The following XRCC4 variants were observed in gnomAD, a reference collection of about 807,000 sequenced individuals.
XRCC4 encodes the protein X-ray repair cross complementing 4, also known as DNA repair protein XRCC4.
A neutral mutation model predicts 39.1 loss-of-function variants in XRCC4; 28 were observed. The ratio of observed to expected loss-of-function variants is 0.72; its 90% CI spans 0.53 to 0.98. XRCC4 has a LOEUF of 0.98. Among genes scored for constraint, XRCC4 ranks in the 50% least tolerant of loss-of-function variants. The pLI is 0.00. For missense variants in XRCC4, 350 were observed against 376.4 expected, an observed-to-expected ratio of 0.93 and a Z score of 0.58; for synonymous variants, 123 against 126.4, an observed-to-expected ratio of 0.97 and a Z score of 0.18.
the XRCC4 span, among the ~76,000 whole-genome samples, chr5:83,362,404 A>G: frequency 1.3e-5 from 2 of 150,986 alleles, no homozygotes; most frequent in Admixed American, 6.6e-5. Context: ...GAATTCTTCT[A>G]TAGTGACCAC....
intron 7 of XRCC4, chr5:83,310,643 C>T (rs1755675142): frequency 5.5e-6 from 2 of 363,364 alleles, no homozygotes; most frequent in Non-Finnish European, 1.1e-5. Flanking sequence ...CAAAGATAAT[C>T]AGGAGTGACT....
intron 3 of XRCC4, among the ~76,000 whole-genome samples, chr5:83,146,247 C>A (rs1418758286): frequency 6.6e-6 from 1 of 152,100 alleles, no homozygotes; most frequent in Non-Finnish European, 1.5e-5. Context: ...GGCTGAACTT[C>A]AGGAAAAAGT....
intron 6 of XRCC4, among the ~76,000 whole-genome samples, chr5:83,246,509 A>G (rs1753106844): frequency 6.6e-6 from 1 of 152,146 alleles, no homozygotes; most frequent in Non-Finnish European, 1.5e-5. Flanking sequence ...TGTCTTTTAT[A>G]TTCTACTTAT....
chr5:83,205,158 A>G (rs1188118158), intron 6 of XRCC4, among the ~76,000 whole-genome samples: 1 of 152,208 alleles, frequency 6.6e-6, no homozygotes, highest in Non-Finnish European at 1.5e-5. Context: ...ACTCCAAGGT[A>G]TACTATTCCT....
intron 1 of XRCC4, among the ~76,000 whole-genome samples, chr5:83,098,434 A>G (rs1561323768): frequency 6.6e-6 from 1 of 152,152 alleles, no homozygotes; most frequent in Non-Finnish European, 1.5e-5. Context: ...GGAAAATTCC[A>G]GGAATACCTG....
At chr5:83,121,419 T>C (rs891438643) in intron 3 of XRCC4, among the ~76,000 whole-genome samples, 2 of 152,212 alleles carry the variant, frequency 1.3e-5, no homozygotes, top group Non-Finnish European at 2.9e-5. Flanking sequence ...TTCCAGTTTC[T>C]CCACATCCTT....
At chr5:83,126,780 T>C (rs537241079) in intron 3 of XRCC4, among the ~76,000 whole-genome samples, 4 of 152,286 alleles carry the variant, frequency 2.6e-5, no homozygotes, top group African/African-American at 9.6e-5. Flanking sequence ...AGCAAAGCCA[T>C]GGGGGCAGGA....
chr5:83,223,934 A>G (rs939563720), intron 6 of XRCC4, among the ~76,000 whole-genome samples: 1 of 146,598 alleles, frequency 6.8e-6, no homozygotes, highest in African/African-American at 2.5e-5. Context: ...CCATGTCCCT[A>G]CAAAGGACAT....
At chr5:83,093,857 A>G (rs943042320) in intron 1 of XRCC4, among the ~76,000 whole-genome samples, 2 of 152,162 alleles carry the variant, frequency 1.3e-5, no homozygotes, top group African/African-American at 4.8e-5. Flanking sequence ...TTTGAAAGAC[A>G]TCTTTGCTGG....
intron 7 of XRCC4, among the ~76,000 whole-genome samples, chr5:83,322,531 T>G (rs1394730638): frequency 6.6e-6 from 1 of 152,162 alleles, no homozygotes. Context: ...TCCTAATTTG[T>G]GGAACATGCG....
chr5:83,343,012 G>A (rs1466214611), intron 7 of XRCC4, among the ~76,000 whole-genome samples: 1 of 151,540 alleles, frequency 6.6e-6, no homozygotes, highest in Non-Finnish European at 1.5e-5. Flanking sequence ...GTTTTTTAAG[G>A]TCATTTCGAT....
chr5:83,239,839 A>AG (rs1316780229), intron 6 of XRCC4, among the ~76,000 whole-genome samples: 12 of 151,594 alleles, frequency 7.9e-5, no homozygotes, highest in Non-Finnish European at 1.5e-4. Flanking sequence ...AAAAAAAAAA[A>AG]AAATATTTTT....
chr5:83,145,681 C>T (rs1262001764), intron 3 of XRCC4, among the ~76,000 whole-genome samples: 1 of 152,136 alleles, frequency 6.6e-6, no homozygotes, highest in African/African-American at 2.4e-5. Flanking sequence ...GCTGTGATTT[C>T]TCTGAAAGCC....
intron 7 of XRCC4, among the ~76,000 whole-genome samples, chr5:83,324,552 C>A (rs1039698482): frequency 1.3e-5 from 2 of 151,988 alleles, no homozygotes; most frequent in African/African-American, 4.8e-5. Context: ...TTTGGGATTT[C>A]TTTTTTTAAG....
chr5:83,157,909 T>C (rs1252654886), intron 3 of XRCC4, among the ~76,000 whole-genome samples: 1 of 152,152 alleles, frequency 6.6e-6, no homozygotes, highest in Non-Finnish European at 1.5e-5. Flanking sequence ...AAAAATACTT[T>C]GGTTATTCAG....
chr5:83,155,327 GT>G (rs1311899571), intron 3 of XRCC4, among the ~76,000 whole-genome samples: 1 of 152,128 alleles, frequency 6.6e-6, no homozygotes, highest in Non-Finnish European at 1.5e-5. Flanking sequence ...AGTTGTCACT[GT>G]TAGGAAGAAT....
At chr5:83,228,693 G>A (rs952949450) in intron 6 of XRCC4, among the ~76,000 whole-genome samples, 4 of 151,954 alleles carry the variant, frequency 2.6e-5, no homozygotes, top group South Asian at 2.1e-4. Context: ...AACCTTGGTG[G>A]TAAATTTTAT....
chr5:83,191,619 G>A lies in XRCC4; in HGVS notation c.316-4151G>A, dbSNP rs28712517. On this transcript the variant is annotated intron_variant, in intron 3 of 7. Coordinates refer to ENST00000396027, the MANE Select transcript of XRCC4 (RefSeq NM_003401.5). The stretch of plus-strand genomic sequence containing the variant: ...GGAGGCTGAGGCAGGAGAATCACTT[G>A]AACCCAGGAGGCAGAGGTTGCAGTG... Among the ~76,000 whole-genome samples, 472 of 152,286 alleles carry A rather than the reference G, an allele frequency of 3.1e-3. 2 individuals are homozygous for A. Among genetic ancestry groups the A allele is most frequent in the African/African-American group, 0.011 (450 of 41,558 alleles).
chr5:83,260,093 A>G (rs562885067), intron 7 of XRCC4, among the ~76,000 whole-genome samples: 67 of 152,220 alleles, frequency 4.4e-4, no homozygotes, highest in African/African-American at 1.4e-3. Context: ...CAGACAATAT[A>G]TGCAAAAACC....
Sources: allele counts gnomAD v4.1 joint callset (sites outside exome capture counted in the v4.1 genomes callset), GRCh38; gene constraint gnomAD v4.1.1; transcripts MANE v1.5; gene names NCBI Gene and HGNC (gene_info 2026-07-23, HGNC 2026-07-21).